Variants in NFIB observed in about 807,000 individuals in gnomAD.
The protein encoded by NFIB is nuclear factor 1 B-type.
Under a neutral mutation model 61.5 loss-of-function variants are expected in NFIB, and 11 were observed. The ratio of observed to expected loss-of-function variants is 0.18; its 90% CI spans 0.11 to 0.30. The LOEUF (loss-of-function observed/expected upper bound fraction) is 0.30. Ranked by LOEUF, NFIB falls within the 10% of genes least tolerant of loss-of-function variation. NFIB has a pLI of 1.00. For synonymous variants in NFIB, 260 were observed against 216.5 expected, an observed-to-expected ratio of 1.20 and a Z score of -1.76; for missense variants, 471 against 608.9, an observed-to-expected ratio of 0.77 and a Z score of 2.38.
At chr9:14,090,678 G>C (rs775371606) in intron 10 of NFIB, among the ~76,000 whole-genome samples, 2 of 152,010 alleles carry the variant, frequency 1.3e-5, no homozygotes, top group Non-Finnish European at 2.9e-5. Context: ...AAAAGGACTA[G>C]GTAAAGCAGA....
At chr9:14,207,833 C>T (rs1213151800) in intron 2 of NFIB, among the ~76,000 whole-genome samples, 4 of 152,286 alleles carry the variant, frequency 2.6e-5, no homozygotes, top group Admixed American at 2.0e-4. Flanking sequence ...CAGAGAAGAG[C>T]CCGTTTCCAT....
At chr9:14,116,450 G>T in intron 8 of NFIB, 104 bp from the exon 9 acceptor site, 1 of 1,206,458 alleles carries the variant, frequency 8.3e-7, no homozygotes, top group Non-Finnish European at 1.1e-6. Flanking sequence ...AGCACACTGC[G>T]CATAGGCGCC....
chr9:14,206,014 C>T (rs963249537), intron 2 of NFIB, among the ~76,000 whole-genome samples: 8 of 151,874 alleles, frequency 5.3e-5, no homozygotes, highest in Non-Finnish European at 5.9e-5. Flanking sequence ...TATGTTTCTG[C>T]GTAAAAGACA....
the NFIB span, among the ~76,000 whole-genome samples, chr9:14,510,786 G>A: frequency 6.6e-6 from 1 of 152,240 alleles, no homozygotes; most frequent in South Asian, 2.1e-4. Context: ...ACTATAAAAT[G>A]TTTGGTGTAC....
At chr9:14,404,919 G>GGCATGATT in the NFIB span, among the ~76,000 whole-genome samples, 2 of 152,162 alleles carry the variant, frequency 1.3e-5, no homozygotes, top group Admixed American at 6.5e-5. Context: ...TCTGTTGTTT[G>GGCATGATT]GCATGATTTT....
chr9:14,475,511 G>A, the NFIB span, among the ~76,000 whole-genome samples: 1 of 152,152 alleles, frequency 6.6e-6, no homozygotes, highest in South Asian at 2.1e-4. Flanking sequence ...AAAAAGGCCA[G>A]CGAGTCTTGA....
chr9:14,418,433 C>G, the NFIB span, among the ~76,000 whole-genome samples: 6 of 152,174 alleles, frequency 3.9e-5, no homozygotes, highest in Admixed American at 2.6e-4. Flanking sequence ...TGAACCCCCA[C>G]CCCCATCTCT....
intron 7 of NFIB, 36 bp downstream of exon 7, chr9:14,125,596 G>T: frequency 6.2e-7 from 1 of 1,611,884 alleles, no homozygotes. Context: ...CTACAGACAA[G>T]AAGGAGGCTT....
At chr9:14,173,442 T>C (rs2045800194) in intron 3 of NFIB, among the ~76,000 whole-genome samples, 1 of 152,086 alleles carries the variant, frequency 6.6e-6, no homozygotes, top group Non-Finnish European at 1.5e-5. Context: ...ATACATTTCA[T>C]ATATTATAAT....
At chr9:14,378,040 G>A (rs1330487074) in intron 1 of NFIB, among the ~76,000 whole-genome samples, 1 of 152,142 alleles carries the variant, frequency 6.6e-6, no homozygotes, top group Non-Finnish European at 1.5e-5. Context: ...CAGCTGAAAG[G>A]ATTACAAAGG....
At chr9:14,254,991 T>A (rs764122601) in intron 2 of NFIB, among the ~76,000 whole-genome samples, 2 of 152,020 alleles carry the variant, frequency 1.3e-5, no homozygotes, top group Non-Finnish European at 2.9e-5. Flanking sequence ...CTTCGCTAAG[T>A]CAGGAAGATC....
intron 1 of NFIB, among the ~76,000 whole-genome samples, chr9:14,359,353 A>C (rs1381189145): frequency 6.6e-6 from 1 of 152,242 alleles, no homozygotes; most frequent in Non-Finnish European, 1.5e-5. Context: ...TATGGGATAA[A>C]GGCAGAAGCA....
intron 6 of NFIB, among the ~76,000 whole-genome samples, chr9:14,139,323 T>C (rs758665251): frequency 8.5e-5 from 13 of 152,216 alleles, no homozygotes; most frequent in Non-Finnish European, 1.8e-4. Flanking sequence ...TTATTGTATA[T>C]GATATTGGGA....
intron 7 of NFIB, among the ~76,000 whole-genome samples, chr9:14,125,270 G>C (rs1563809703): frequency 6.6e-6 from 1 of 152,196 alleles, no homozygotes. Context: ...CGATTCTCCT[G>C]CCTCAGCCTC....
At chr9:14,331,180 A>T (rs1472871618) in intron 1 of NFIB, among the ~76,000 whole-genome samples, 1 of 152,198 alleles carries the variant, frequency 6.6e-6, no homozygotes, top group East Asian at 1.9e-4. Context: ...CCCTGTGCTC[A>T]GTACTGTATT....
chr9:14,162,188 T>C (rs1048548765), intron 3 of NFIB, among the ~76,000 whole-genome samples: 2 of 152,148 alleles, frequency 1.3e-5, no homozygotes, highest in African/African-American at 4.8e-5. Flanking sequence ...TTTTTCCTAA[T>C]ATCAATGAGA....
At chr9:14,340,538 T>C (rs2060937619) in intron 1 of NFIB, among the ~76,000 whole-genome samples, 1 of 152,200 alleles carries the variant, frequency 6.6e-6, no homozygotes, top group Non-Finnish European at 1.5e-5. Flanking sequence ...ACTCAGAGGA[T>C]AAAATGTTTT....
At chr9:14,383,671 G>A (rs1020550591) in intron 1 of NFIB, among the ~76,000 whole-genome samples, 1 of 152,182 alleles carries the variant, frequency 6.6e-6, no homozygotes, top group Non-Finnish European at 1.5e-5. Context: ...CAAGCATCAT[G>A]CCCGACCATA....
chr9:14,427,943 T>G, the NFIB span, among the ~76,000 whole-genome samples: 1 of 76,402 alleles, frequency 1.3e-5, no homozygotes, highest in African/African-American at 7.6e-5. Flanking sequence ...AGTTGTTTTT[T>G]TTTTTTTTTT....
Sources: gnomAD v4.1 joint callset for allele counts (sites outside exome capture counted in the v4.1 genomes callset) on GRCh38, gnomAD v4.1.1 for gene constraint, MANE v1.5 for transcripts, NCBI Gene and HGNC (gene_info 2026-07-23, HGNC 2026-07-21) for gene names.